The following ATP10B variants were observed in gnomAD, a reference collection of about 807,000 sequenced individuals.
ATP10B encodes the protein phospholipid-transporting ATPase VB.
ATP10B carries 122 observed loss-of-function variants against 141.2 expected under a neutral mutation model. The observed-to-expected ratio is 0.86, with a 90% CI of 0.75 to 1.00. The LOEUF (loss-of-function observed/expected upper bound fraction) is 1.00, where lower values mean the gene tolerates loss of function less well. Ranked by LOEUF, ATP10B falls within the 50% of genes least tolerant of loss-of-function variation. The pLI, the probability that ATP10B is intolerant of heterozygous loss-of-function variation, is 0.00. For synonymous variants in ATP10B, 685 were observed against 692.0 expected (o/e 0.99, Z 0.16); for missense variants, 1,876 against 1,825.3 (o/e 1.03, Z -0.51).
At chr5:160,764,548 T>C (rs533206099) in intron 2 of ATP10B, among the ~76,000 whole-genome samples, 2 of 152,178 alleles carry the variant, frequency 1.3e-5, no homozygotes, top group Admixed American at 1.3e-4. Context: ...AAAATCAGCA[T>C]AGAAGGGACA....
intron 2 of ATP10B, among the ~76,000 whole-genome samples, chr5:160,774,929 T>C (rs1177634770): frequency 6.6e-6 from 1 of 152,128 alleles, no homozygotes; most frequent in Non-Finnish European, 1.5e-5. Flanking sequence ...CTATGAGCCA[T>C]GAATAAAGCC....
chr5:160,885,315 C>G, the ATP10B span, among the ~76,000 whole-genome samples: 1 of 152,198 alleles, frequency 6.6e-6, no homozygotes, highest in Non-Finnish European at 1.5e-5. Flanking sequence ...GAAGGCAGCA[C>G]CCTGCATGGC....
chr5:160,794,637 G>A (rs76032791), intron 1 of ATP10B, among the ~76,000 whole-genome samples: 2 of 152,316 alleles, frequency 1.3e-5, no homozygotes, highest in African/African-American at 4.8e-5. Flanking sequence ...TTCCCACCCA[G>A]TTGTAAGTTC....
chr5:160,633,898 A>G, intron 12 of ATP10B: 2 of 300,808 alleles, frequency 6.6e-6, no homozygotes, highest in Non-Finnish European at 1.3e-5. Flanking sequence ...GTGACAAGCT[A>G]AGAGATCTGT....
At position 160,652,803 on chromosome 5, in the gene ATP10B, T is replaced by A. The variant is rs1381468938; in HGVS notation, c.676-3547A>T. Among the ~76,000 whole-genome samples the A allele has an allele frequency of 4.7e-3, 475 of 102,052 alleles. 11 individuals carry two copies. Among genetic ancestry groups the A allele is most frequent in the Non-Finnish European group, 7.5e-3 (428 of 56,822 alleles). The allele number at this position is 102,052 out of a possible 152,430, so 67.0% of individuals were successfully genotyped here. ...ATATATATAAAAATATATAATATAT[T>A]ATATAATATATTATATATTAATTAT... On this transcript the variant is annotated intron_variant, in intron 7 of 25. Coordinates refer to ENST00000327245, the MANE Select transcript of ATP10B (RefSeq NM_025153.3).
chr5:160,608,085 C>G (rs773738742), intron 18 of ATP10B, among the ~76,000 whole-genome samples: 2 of 152,150 alleles, frequency 1.3e-5, no homozygotes, highest in Non-Finnish European at 2.9e-5. Context: ...TCCATCCCCC[C>G]ACCCCACGAC....
intron 1 of ATP10B, among the ~76,000 whole-genome samples, chr5:160,830,254 T>G (rs961735772): frequency 3.3e-5 from 5 of 152,164 alleles, no homozygotes; most frequent in Non-Finnish European, 7.4e-5. Context: ...GATTTATATA[T>G]GTTGAATCAA....
chr5:160,823,226 C>T (rs1774315663), intron 1 of ATP10B, among the ~76,000 whole-genome samples: 3 of 151,536 alleles, frequency 2.0e-5, no homozygotes. Flanking sequence ...GGAATGAAAT[C>T]ATGTCCTTTG....
intron 2 of ATP10B, among the ~76,000 whole-genome samples, chr5:160,752,174 T>C (rs796675432): frequency 4.0e-4 from 22 of 54,836 alleles, no homozygotes; most frequent in African/African-American, 3.0e-3. Flanking sequence ...GTCCCCCTAC[T>C]TTTTTTTTTT....
intron 2 of ATP10B, among the ~76,000 whole-genome samples, chr5:160,758,222 A>G (rs1446022603): frequency 6.6e-6 from 1 of 152,180 alleles, no homozygotes. Flanking sequence ...AACACTGGGT[A>G]GATAGCTGAA....
chr5:160,639,635 T>C (rs1304831008), intron 10 of ATP10B, among the ~76,000 whole-genome samples: 2 of 152,176 alleles, frequency 1.3e-5, no homozygotes, highest in Non-Finnish European at 2.9e-5. Flanking sequence ...GAACTGCCGA[T>C]GCCCTGACTT....
At chr5:160,899,901 T>G in the ATP10B span, among the ~76,000 whole-genome samples, 4 of 152,104 alleles carry the variant, frequency 2.6e-5, no homozygotes, top group Admixed American at 2.0e-4. Flanking sequence ...CGTCCAGCCC[T>G]CCTCAGCTCC....
chr5:160,644,329 G>A (rs895475106), intron 8 of ATP10B, 85 bp from the exon 9 acceptor site: 1 of 890,120 alleles, frequency 1.1e-6, no homozygotes, highest in African/African-American at 1.6e-5. Context: ...TAGAAGTGGT[G>A]AGTGAACATG....
At chr5:160,922,082 G>A in the ATP10B span, among the ~76,000 whole-genome samples, 8 of 152,162 alleles carry the variant, frequency 5.3e-5, no homozygotes, top group Admixed American at 6.5e-5. Flanking sequence ...ATTTTCATGC[G>A]GGTGGGTGTC....
intron 13 of ATP10B, among the ~76,000 whole-genome samples, chr5:160,628,572 G>A (rs1758735652): frequency 6.6e-6 from 1 of 151,746 alleles, no homozygotes; most frequent in African/African-American, 2.4e-5. Context: ...GCTCCTCTCT[G>A]TTGCATTCTC....
chr5:160,636,412 G>C, intron 10 of ATP10B, 103 bp from the exon 11 acceptor site: 1 of 1,231,928 alleles, frequency 8.1e-7, no homozygotes, highest in Non-Finnish European at 1.1e-6. Flanking sequence ...GGTGTGCTTT[G>C]GAGGACCCCT....
At chr5:160,654,598 G>A (rs1400007177) in intron 7 of ATP10B, among the ~76,000 whole-genome samples, 4 of 152,262 alleles carry the variant, frequency 2.6e-5, no homozygotes, top group African/African-American at 9.6e-5. Flanking sequence ...AACCTTAAGA[G>A]GTTTGGACAG....
intron 1 of ATP10B, among the ~76,000 whole-genome samples, chr5:160,787,109 C>CAG (rs1025016178): frequency 1.3e-4 from 6 of 45,016 alleles, no homozygotes; most frequent in African/African-American, 6.3e-4. Context: ...GACACAGACA[C>CAG]ACACACACAC....
At position 160,589,716 on chromosome 5, in the gene ATP10B, AG is replaced by A. The variant is rs1756152798; in HGVS notation, c.3646-21del. The A allele has an allele frequency of 6.4e-7, 1 of 1,568,694 alleles. No homozygotes were observed. The highest frequency in any genetic ancestry group is 8.8e-7 in the Non-Finnish European group (1 of 1,138,964). On this transcript the variant is annotated intron_variant, in intron 23 of 25. Transcript: ENST00000327245. ...ATAGGCCTGCAGAGGAGGAACAGAC[AG>A]GCATTGTCAGGTATGTCTGTGGACT... is the stretch of plus-strand genomic sequence containing the variant.
Sources: allele counts gnomAD v4.1 joint callset (sites outside exome capture counted in the v4.1 genomes callset), GRCh38; gene constraint gnomAD v4.1.1; transcripts MANE v1.5; gene names NCBI Gene and HGNC (gene_info 2026-07-23, HGNC 2026-07-21).